Variants in KCNAB1 observed in about 807,000 individuals in gnomAD.
KCNAB1 encodes the protein potassium voltage-gated channel subfamily A regulatory beta subunit 1.
A neutral mutation model predicts 64.6 loss-of-function variants in KCNAB1; 35 were observed. The observed-to-expected ratio is 0.54, with a 90% CI of 0.41 to 0.72. The LOEUF (loss-of-function observed/expected upper bound fraction) is 0.72. Ranked by LOEUF, KCNAB1 falls within the 30% of genes least tolerant of loss-of-function variation. The probability of loss-of-function intolerance (pLI) is 0.00; values close to 1 mark genes in which losing one functional copy is unlikely to be tolerated. For synonymous variants in KCNAB1, 177 were observed against 183.8 expected, an observed-to-expected ratio of 0.96 and a Z score of 0.30; for missense variants, 401 against 512.9, an observed-to-expected ratio of 0.78 and a Z score of 2.11.
chr3:156,386,790 T>C (rs1712628776), intron 1 of KCNAB1, among the ~76,000 whole-genome samples: 1 of 152,182 alleles, frequency 6.6e-6, no homozygotes, highest in South Asian at 2.1e-4. Context: ...TGGGGCCAGA[T>C]GCTCAAAGGT....
intron 2 of KCNAB1, among the ~76,000 whole-genome samples, chr3:156,429,258 A>C (rs1459360039): frequency 6.6e-6 from 1 of 152,204 alleles, no homozygotes; most frequent in African/African-American, 2.4e-5. Context: ...TAGTGTACCC[A>C]GTGCCAGCAG....
chr3:156,345,430 C>T (rs916830926), intron 1 of KCNAB1, among the ~76,000 whole-genome samples: 8 of 152,110 alleles, frequency 5.3e-5, no homozygotes, highest in East Asian at 1.9e-4. Context: ...TATCTATCTC[C>T]GAGGTTAACA....
At chr3:156,527,324 T>G (rs1445610823) in intron 12 of KCNAB1, among the ~76,000 whole-genome samples, 2 of 152,132 alleles carry the variant, frequency 1.3e-5, no homozygotes, top group African/African-American at 4.8e-5. Context: ...AAAGGGAAAT[T>G]ATATATATAA....
intron 1 of KCNAB1, among the ~76,000 whole-genome samples, chr3:156,133,475 C>T (rs1016039480): frequency 1.3e-5 from 2 of 151,904 alleles, no homozygotes; most frequent in African/African-American, 4.8e-5. Context: ...CTTTTATTAC[C>T]ATATATGTAA....
intron 1 of KCNAB1, among the ~76,000 whole-genome samples, chr3:156,136,863 C>T (rs1480217552): frequency 2.0e-5 from 3 of 152,216 alleles, no homozygotes; most frequent in Admixed American, 6.5e-5. Context: ...GTTTTTGCTA[C>T]AGATGCCAGA....
chr3:156,415,867 A>G lies in KCNAB1; in HGVS notation c.276-5749A>G, dbSNP rs1715027961. 2.0e-5 allele frequency among the ~76,000 whole-genome samples: 3 copies of G among 152,240 alleles called. No homozygotes were observed. In the South Asian group the frequency reaches 6.2e-4, roughly 32 times the overall value. On this transcript the variant is annotated intron_variant, in intron 1 of 13. Coordinates refer to ENST00000490337, the MANE Select transcript of KCNAB1 (RefSeq NM_172160.3). ...AATCCCTCTCCCCACTCTGAGTTAC[A>G]GGCAATTAACCTTGGATGTCTCATG...
At chr3:156,329,357 G>C (rs13317606) in intron 1 of KCNAB1, among the ~76,000 whole-genome samples, 1 of 152,014 alleles carries the variant, frequency 6.6e-6, no homozygotes, top group African/African-American at 2.4e-5. Flanking sequence ...GGGCAGGGGT[G>C]GGGGAGCAGG....
At chr3:156,400,578 C>G (rs1337284787) in intron 1 of KCNAB1, among the ~76,000 whole-genome samples, 1 of 152,192 alleles carries the variant, frequency 6.6e-6, no homozygotes, top group African/African-American at 2.4e-5. Context: ...CAGGATAATT[C>G]AAGCCCTTAT....
chr3:156,164,238 T>C (rs2108314404), intron 1 of KCNAB1, among the ~76,000 whole-genome samples: 1 of 152,328 alleles, frequency 6.6e-6, no homozygotes, highest in Admixed American at 6.5e-5. Flanking sequence ...GTAAGGTGAA[T>C]GCTTGAGAGA....
chr3:156,407,741 C>T (rs963006050), intron 1 of KCNAB1, among the ~76,000 whole-genome samples: 1 of 152,212 alleles, frequency 6.6e-6, no homozygotes, highest in Non-Finnish European at 1.5e-5. Flanking sequence ...AAACACTTAA[C>T]CCCACACCCC....
chr3:156,250,175 G>A (rs1408536874), intron 1 of KCNAB1, among the ~76,000 whole-genome samples: 1 of 152,148 alleles, frequency 6.6e-6, no homozygotes. Context: ...AGACAGGAAA[G>A]AACAAACATT....
intron 2 of KCNAB1, among the ~76,000 whole-genome samples, 196 bp downstream of exon 2, chr3:156,421,855 T>C (rs1715484872): frequency 6.6e-6 from 1 of 152,156 alleles, no homozygotes; most frequent in Non-Finnish European, 1.5e-5. Flanking sequence ...GTGTTCATGA[T>C]TCCTTATAGG....
chr3:156,478,945 AT>A (rs774576506), intron 8 of KCNAB1, among the ~76,000 whole-genome samples: 1 of 152,178 alleles, frequency 6.6e-6, no homozygotes, highest in Non-Finnish European at 1.5e-5. Context: ...GAGAAACTTC[AT>A]TCGCAATCTG....
At chr3:156,458,155 T>G (rs1447586474) in intron 4 of KCNAB1, among the ~76,000 whole-genome samples, 1 of 152,194 alleles carries the variant, frequency 6.6e-6, no homozygotes, top group African/African-American at 2.4e-5. Context: ...AGTCCTCGCT[T>G]CTTTTGTGAA....
intron 8 of KCNAB1, among the ~76,000 whole-genome samples, chr3:156,501,872 T>C (rs1576947030): frequency 6.6e-6 from 1 of 151,618 alleles, no homozygotes; most frequent in Non-Finnish European, 1.5e-5. Flanking sequence ...TGGTGGGAGG[T>C]GAATGGCACT....
intron 1 of KCNAB1, among the ~76,000 whole-genome samples, chr3:156,135,728 A>G (rs1714306428): frequency 6.6e-6 from 1 of 152,198 alleles, no homozygotes; most frequent in Non-Finnish European, 1.5e-5. Context: ...TCATGGTGCC[A>G]TTCTGCACCC....
intron 1 of KCNAB1, among the ~76,000 whole-genome samples, chr3:156,221,003 T>C (rs952674720): frequency 6.6e-6 from 1 of 152,154 alleles, no homozygotes; most frequent in East Asian, 1.9e-4. Flanking sequence ...TTTTTGTCAG[T>C]TTTGTCAAAG....
intron 1 of KCNAB1, among the ~76,000 whole-genome samples, chr3:156,395,644 TA>T (rs1408340256): frequency 6.7e-6 from 1 of 148,168 alleles, no homozygotes; most frequent in Non-Finnish European, 1.5e-5. Flanking sequence ...AAAAGGAAGC[TA>T]GTGCTGCAAA....
At chr3:156,521,531 A>G (rs1255635197) in intron 11 of KCNAB1, among the ~76,000 whole-genome samples, 1 of 152,210 alleles carries the variant, frequency 6.6e-6, no homozygotes, top group African/African-American at 2.4e-5. Flanking sequence ...TGCTAGGTTT[A>G]GAAAAACCAA....
Sources: gnomAD v4.1 joint callset for allele counts (sites outside exome capture counted in the v4.1 genomes callset) on GRCh38, gnomAD v4.1.1 for gene constraint, MANE v1.5 for transcripts, NCBI Gene and HGNC (gene_info 2026-07-23, HGNC 2026-07-21) for gene names.